MROH7: variants seen among roughly 807,000 people sequenced by gnomAD.
The protein encoded by MROH7 is maestro heat-like repeat-containing protein family member 7.
A neutral mutation model predicts 129.2 loss-of-function variants in MROH7; 113 were observed. That is an observed-to-expected ratio of 0.87 (90% confidence interval 0.75 to 1.02). The LOEUF (loss-of-function observed/expected upper bound fraction) is 1.02. Ranked by LOEUF, MROH7 falls within the 50% of genes least tolerant of loss-of-function variation. The pLI, the probability that MROH7 is intolerant of heterozygous loss-of-function variation, is 0.00. For synonymous variants in MROH7, 655 were observed against 667.9 expected, an observed-to-expected ratio of 0.98 and a Z score of 0.30; for missense variants, 1,601 against 1,671.3, an observed-to-expected ratio of 0.96 and a Z score of 0.73.
intron 15 of MROH7, among the ~76,000 whole-genome samples, chr1:54,688,196 G>T (rs1334113921): frequency 6.7e-6 from 1 of 150,324 alleles, no homozygotes; most frequent in Non-Finnish European, 1.5e-5. Context: ...CTCCAGCCTG[G>T]GTGTCACAGC....
chr1:54,702,267 A>C, intron 20 of MROH7, 22 bp downstream of exon 20: 1 of 1,424,262 alleles, frequency 7.0e-7, no homozygotes. Flanking sequence ...TGGGCCCTGC[A>C]CCCTCTACCC....
intron 3 of MROH7, chr1:54,664,135 C>T (rs1354204470): frequency 6.0e-6 from 1 of 167,872 alleles, no homozygotes; most frequent in African/African-American, 2.4e-5. Context: ...GTCCCAGGCC[C>T]ACACCTATCT....
chr1:54,677,364 A>C (rs1226087877), intron 10 of MROH7, among the ~76,000 whole-genome samples: 1 of 152,168 alleles, frequency 6.6e-6, no homozygotes, highest in Non-Finnish European at 1.5e-5. Context: ...ACACCACTGC[A>C]CTCCAGCCTG....
At position 54,653,913 on chromosome 1, in the gene MROH7, A is replaced by C; in HGVS notation, c.987A>C (p.Leu329=). 6.2e-7 allele frequency: 1 copy of C among 1,614,084 alleles called. No homozygotes were observed. Among genetic ancestry groups the C allele is most frequent in the South Asian group, 1.1e-5 (1 of 91,062 alleles). The change falls in exon 3 of 24, where the codon CTA becomes CTC. Residue 329 remains leucine, a synonymous_variant. Coordinates refer to ENST00000421030, the MANE Select transcript of MROH7 (RefSeq NM_001039464.4). ...STISPPSCMT[L]ILGSNETLSL... ...TCTCTCCACCCTCATGCATGACTCT[A>C]ATCCTGGGTTCCAATGAGACTCTGA...
At chr1:54,687,517 T>C (rs573947048) in intron 15 of MROH7, among the ~76,000 whole-genome samples, 25 of 152,380 alleles carry the variant, frequency 1.6e-4, no homozygotes, top group Non-Finnish European at 3.1e-4. Context: ...GTTTGCTTGT[T>C]TATATGTCTT....
intron 1 of MROH7, among the ~76,000 whole-genome samples, chr1:54,649,918 G>C (rs1210916310): frequency 6.6e-6 from 1 of 152,206 alleles, no homozygotes; most frequent in Non-Finnish European, 1.5e-5. Context: ...ATTGCCTCTG[G>C]TGCTGATGGT....
intron 21 of MROH7, among the ~76,000 whole-genome samples, chr1:54,704,543 A>T (rs1645496710): frequency 6.9e-6 from 1 of 145,212 alleles, no homozygotes; most frequent in Non-Finnish European, 1.5e-5. Flanking sequence ...GGTTCAAGAG[A>T]TTCTCCTGCA....
intron 1 of MROH7, among the ~76,000 whole-genome samples, chr1:54,646,537 A>C (rs1236028823): frequency 6.6e-6 from 1 of 152,180 alleles, no homozygotes; most frequent in Non-Finnish European, 1.5e-5. Flanking sequence ...CAGCCATCAG[A>C]ATCCTTTTAT....
intron 13 of MROH7, among the ~76,000 whole-genome samples, chr1:54,681,386 C>T (rs935594445): frequency 1.3e-5 from 2 of 152,304 alleles, no homozygotes; most frequent in East Asian, 3.9e-4. Flanking sequence ...TCCAGGGTCC[C>T]CACAGGGACA....
At chr1:54,670,658 C>A in intron 6 of MROH7, 82 bp downstream of exon 6, 2 of 1,351,676 alleles carry the variant, frequency 1.5e-6, no homozygotes, top group Non-Finnish European at 2.1e-6. Context: ...TTCGCTGTAC[C>A]CTCCCCCAAC....
In MROH7 at chr1:54,686,353, G is replaced by T; in HGVS notation, c.2616G>T (p.Gln872His). Reference sequence around the variant, plus strand: ...AGCTGCTCCTGGCCCTGCTCATTCAGGTCCATTACCACATCGGCCTCAACC... The same window carrying T: ...AGCTGCTCCTGGCCCTGCTCATTCATGTCCATTACCACATCGGCCTCAACC... ...YPQLLLALLI[Q>H]VHYHIGLNLP... Residue 872 changes from glutamine to histidine, a missense_variant, in exon 15 of 24, where the codon CAG (glutamine) becomes CAT (histidine). Gln to His is a conservative substitution (Grantham distance 24, BLOSUM62 0). Coordinates refer to ENST00000421030, the MANE Select transcript of MROH7 (RefSeq NM_001039464.4). 1 of 1,614,186 alleles carries T rather than the reference G, an allele frequency of 6.2e-7. No individual in the cohort carries two copies.
intron 23 of MROH7, 60 bp from the exon 24 acceptor site, chr1:54,709,886 A>T: frequency 6.3e-7 from 1 of 1,575,634 alleles, no homozygotes; most frequent in Non-Finnish European, 8.7e-7. Context: ...AGGATTAGGT[A>T]TGAGACCCAC....
chr1:54,671,379 G>A (rs10888861), intron 7 of MROH7, among the ~76,000 whole-genome samples: 35,615 of 152,168 alleles, frequency 0.23, 4,882 homozygotes, highest in Middle Eastern at 0.39. Context: ...CAGCCTGGGC[G>A]ACAGAGCGAG....
intron 18 of MROH7, 150 bp from the exon 19 acceptor site, chr1:54,700,993 G>A (rs937818513): frequency 2.5e-6 from 2 of 808,196 alleles, no homozygotes; most frequent in South Asian, 1.8e-5. Flanking sequence ...GAGGTTGGGT[G>A]AGGGTATTCC....
At chr1:54,685,379 G>A (rs1279255841) in intron 14 of MROH7, among the ~76,000 whole-genome samples, 6 of 152,152 alleles carry the variant, frequency 3.9e-5, no homozygotes, top group Non-Finnish European at 5.9e-5. Context: ...GCTTACCTTC[G>A]CCCTCTCATT....
At chr1:54,678,972 C>A in intron 11 of MROH7, 118 bp downstream of exon 11, 1 of 808,156 alleles carries the variant, frequency 1.2e-6, no homozygotes, top group Non-Finnish European at 2.1e-6. Flanking sequence ...GCCTTCCCAG[C>A]CACCCACGCC....
Position 54,653,108 on chromosome 1 carries a change from T to C in MROH7, c.182T>C (p.Leu61Pro), listed in dbSNP as rs376881648. ...CCTGGCTTGGCTCTCGTTCCAGATC[T>C]TAATGATTCTTTGAGTCCAGTCTCA... ...PSPGLALVPD[L>P]NDSLSPVSGE... The change falls in exon 3 of 24, where the codon CTT becomes CCT. Residue 61 changes from leucine (L) to proline (P), a missense_variant. By Grantham distance (98) the Leu-to-Pro change is moderately conservative (BLOSUM62 -3). Coordinates refer to ENST00000421030, the MANE Select transcript of MROH7 (RefSeq NM_001039464.4). 3.1e-6 allele frequency: 5 copies of C among 1,614,112 alleles called. No individual in the cohort carries two copies. In the African/African-American group the frequency reaches 6.7e-5, roughly 22 times the overall value.
chr1:54,691,402 G>T (rs1318577482), intron 15 of MROH7, among the ~76,000 whole-genome samples: 1 of 152,156 alleles, frequency 6.6e-6, no homozygotes, highest in Non-Finnish European at 1.5e-5. Context: ...TATCAGCTGA[G>T]GTATGTCCAC....
intron 10 of MROH7, 127 bp downstream of exon 10, chr1:54,674,278 C>A (rs1358572045): frequency 2.9e-6 from 3 of 1,040,196 alleles, no homozygotes; most frequent in Non-Finnish European, 4.1e-6. Context: ...CAGCACAGGG[C>A]CAGATGGGGA....
Sources: allele counts gnomAD v4.1 joint callset (sites outside exome capture counted in the v4.1 genomes callset), GRCh38; gene constraint gnomAD v4.1.1; transcripts MANE v1.5; gene names NCBI Gene and HGNC (gene_info 2026-07-23, HGNC 2026-07-21).